The following ABCC9 variants were observed in gnomAD, a reference collection of about 807,000 sequenced individuals.
The protein encoded by ABCC9 is ATP-binding cassette sub-family C member 9.
In ABCC9, 95 loss-of-function variants were observed where a neutral mutation model predicts 188.3. The observed-to-expected ratio is 0.50, with a 90% CI of 0.43 to 0.60. ABCC9 has a LOEUF of 0.60. Among genes scored for constraint, ABCC9 ranks in the 20% least tolerant of loss-of-function variants. The pLI is 0.00. For synonymous variants in ABCC9, 659 were observed against 652.7 expected (o/e 1.01, Z -0.15); for missense variants, 1,102 against 1,876.3 (o/e 0.59, Z 7.62).
In ABCC9 at chr12:21,887,948, T is replaced by C; in HGVS notation, c.1803-14A>G. 1 of 1,583,128 alleles carries C rather than the reference T, an allele frequency of 6.3e-7. No homozygotes were observed. Among genetic ancestry groups the C allele is most frequent in the South Asian group, 1.1e-5 (1 of 90,482 alleles). ...AGCTTTTGAACACTGCAAAAAACAATAAACACAGAATAAGAGTTAACAATA... is the reference window on the plus strand; with the variant it reads ...AGCTTTTGAACACTGCAAAAAACAACAAACACAGAATAAGAGTTAACAATA... On this transcript the variant is annotated splice_polypyrimidine_tract_variant and intron_variant, in intron 14 of 39. Transcript: ENST00000261200.
chr12:21,804,966 A>G (rs1219829405), intron 39 of ABCC9, among the ~76,000 whole-genome samples: 1 of 152,228 alleles, frequency 6.6e-6, no homozygotes, highest in African/African-American at 2.4e-5. Context: ...TTTTGCATGT[A>G]TATATTTGAA....
At chr12:21,807,259 C>G in intron 38 of ABCC9, 87 bp downstream of exon 38, 1 of 1,578,178 alleles carries the variant, frequency 6.3e-7, no homozygotes, top group Admixed American at 1.7e-5. Context: ...ACTGAGGATT[C>G]AGAACCCAAT....
Position 21,933,884 on chromosome 12 carries a change from T to C in ABCC9, c.182A>G (p.Asn61Ser). Residue 61 changes from asparagine to serine, a missense_variant, in exon 4 of 40, where the codon AAC becomes AGC. Physicochemically the swap from Asn to Ser is conservative, Grantham distance 46. This residue lies in a region of ABCC9 where 305 missense variants were observed against 573.0 expected (regional missense o/e 0.53). Coordinates refer to ENST00000261200, the MANE Select transcript of ABCC9 (RefSeq NM_020297.4). Reference protein sequence around the residue: ...SQSSKVQIHHNTWLHFPGHNL... With the variant: ...SQSSKVQIHHSTWLHFPGHNL... Reference sequence around the variant, plus strand: ...ATGTCCCGGAAAATGAAGCCATGTGTTGTGGTGAATTTGTACTTTTGAGCT... The same window carrying C: ...ATGTCCCGGAAAATGAAGCCATGTGCTGTGGTGAATTTGTACTTTTGAGCT... 1.2e-6 allele frequency: 2 copies of C among 1,613,656 alleles called. No homozygotes were observed. The highest frequency in any genetic ancestry group is 1.7e-6 in the Non-Finnish European group (2 of 1,179,668).
chr12:21,905,120 A>G (rs1326664384), intron 12 of ABCC9, among the ~76,000 whole-genome samples: 1 of 151,196 alleles, frequency 6.6e-6, no homozygotes, highest in East Asian at 1.9e-4. Context: ...GAGTTCATGT[A>G]GGGACATGGA....
intron 12 of ABCC9, among the ~76,000 whole-genome samples, chr12:21,895,778 C>T (rs1262011293): frequency 6.6e-6 from 1 of 152,142 alleles, no homozygotes; most frequent in Admixed American, 6.5e-5. Flanking sequence ...TCATTTATGG[C>T]CCTTTCAGTT....
chr12:21,936,030 C>T (rs1949474239), intron 3 of ABCC9, among the ~76,000 whole-genome samples: 1 of 152,130 alleles, frequency 6.6e-6, no homozygotes, highest in Non-Finnish European at 1.5e-5. Context: ...TTGGCATCTT[C>T]CAGTTCCCCA....
intron 38 of ABCC9, among the ~76,000 whole-genome samples, chr12:21,807,142 G>T (rs112652954): frequency 6.6e-6 from 1 of 152,246 alleles, no homozygotes; most frequent in South Asian, 2.1e-4. Context: ...GTTGATTGGT[G>T]ATAGGAATGC....
At chr12:21,811,094 T>C (rs1395588692) in intron 36 of ABCC9, among the ~76,000 whole-genome samples, 1 of 152,156 alleles carries the variant, frequency 6.6e-6, no homozygotes, top group Non-Finnish European at 1.5e-5. Flanking sequence ...ATTAGATCAC[T>C]GGGGCAGTTT....
chr12:21,804,797 A>G (rs1482817790), intron 39 of ABCC9, among the ~76,000 whole-genome samples: 1 of 152,232 alleles, frequency 6.6e-6, no homozygotes, highest in African/African-American at 2.4e-5. Flanking sequence ...TCACCAGTGA[A>G]ACTCAAGTAA....
rs758198132 is a variant in ABCC9, at chr12:21,817,349, G to T, written c.3772-42C>A. The T allele has an allele frequency of 2.5e-6, 4 of 1,602,162 alleles. No homozygotes were observed. The African/African-American group carries it at 4.0e-5, about 16-fold the overall frequency. ...AAAAAATTGTTTTAAATAAATTAAAGTAAGAAGTTGTGGTTAATCACCGGA... is the reference window on the plus strand; with the variant it reads ...AAAAAATTGTTTTAAATAAATTAAATTAAGAAGTTGTGGTTAATCACCGGA... On this transcript the variant is annotated intron_variant, in intron 32 of 39. Coordinates refer to ENST00000261200, the MANE Select transcript of ABCC9 (RefSeq NM_020297.4).
At chr12:21,851,917 A>T (rs1454623284) in intron 24 of ABCC9, among the ~76,000 whole-genome samples, 180 bp downstream of exon 24, 2 of 152,214 alleles carry the variant, frequency 1.3e-5, no homozygotes, top group Non-Finnish European at 2.9e-5. Flanking sequence ...AGAATTTTAT[A>T]GGTTCAAAGT....
chr12:21,921,495 G>A (rs183069888), intron 5 of ABCC9, among the ~76,000 whole-genome samples: 1 of 151,818 alleles, frequency 6.6e-6, no homozygotes, highest in African/African-American at 2.4e-5. Flanking sequence ...CAGGCAGTTT[G>A]CAAATATTTT....
intron 24 of ABCC9, among the ~76,000 whole-genome samples, chr12:21,850,404 C>G (rs1445823870): frequency 2.0e-5 from 3 of 152,018 alleles, no homozygotes; most frequent in African/African-American, 7.2e-5. Flanking sequence ...AGTAATCTCC[C>G]TCCATCCTGA....
intron 31 of ABCC9, among the ~76,000 whole-genome samples, chr12:21,821,462 C>G (rs1257854889): frequency 1.3e-5 from 2 of 151,878 alleles, no homozygotes; most frequent in African/African-American, 4.8e-5. Context: ...AAAAAACTCA[C>G]AAAATGCTGT....
At chr12:21,900,659 G>A (rs1016783383) in intron 12 of ABCC9, among the ~76,000 whole-genome samples, 9 of 152,164 alleles carry the variant, frequency 5.9e-5, no homozygotes, top group African/African-American at 1.7e-4. Context: ...ACTACATGAC[G>A]CATGCACAAG....
rs371263458 is a variant in ABCC9, at chr12:21,832,616, T to TA, written c.3567-3557dup. Among the ~76,000 whole-genome samples, 954 of 138,646 alleles carry TA rather than the reference T, an allele frequency of 6.9e-3. 5 individuals are homozygous for TA. The highest frequency in any genetic ancestry group is 0.015 in the African/African-American group (557 of 37,864). 91.0% of individuals were successfully genotyped at this position (138,646 alleles called of 152,430 possible). A position where few individuals can be genotyped will look rare whatever the true frequency, so the allele number is the denominator to read the frequency against. ...TGCAAGAATGGCCATAGTTTAAAAATAAAAAAAAAAAATAGATATTGACGT... is the reference window on the plus strand; with the variant it reads ...TGCAAGAATGGCCATAGTTTAAAAATAAAAAAAAAAAAATAGATATTGACGT... On this transcript the variant is annotated intron_variant, in intron 30 of 39. Coordinates refer to ENST00000261200, the MANE Select transcript of ABCC9 (RefSeq NM_020297.4).
chr12:21,806,350 C>A (rs1160490077), intron 38 of ABCC9, among the ~76,000 whole-genome samples: 2 of 152,130 alleles, frequency 1.3e-5, no homozygotes, highest in Non-Finnish European at 2.9e-5. Flanking sequence ...AAAGTGCTCA[C>A]TTGAGTTATA....
intron 39 of ABCC9, among the ~76,000 whole-genome samples, chr12:21,805,630 GCAAT>G (rs1941784952): frequency 6.6e-6 from 1 of 152,116 alleles, no homozygotes; most frequent in Non-Finnish European, 1.5e-5. Flanking sequence ...AGCAGAATAA[GCAAT>G]CAAATTTAGG....
rs545923793 is a variant in ABCC9 at position 21,850,945 on chromosome 12, A to G, written c.2769+1152T>C. Among the ~76,000 whole-genome samples the G allele has an allele frequency of 4.0e-5, 6 of 151,780 alleles. No individual in the cohort carries two copies. In the South Asian group the frequency reaches 1.0e-3, roughly 26 times the overall value. On this transcript the variant is annotated intron_variant, in intron 24 of 39. Transcript: ENST00000261200. ...GTGATTTGTCCTATTCTGCTTGTAT[A>G]TTTTTGCATATATCTTTTCTTCTTT...
Sources: allele counts gnomAD v4.1 joint callset (sites outside exome capture counted in the v4.1 genomes callset), GRCh38; gene constraint gnomAD v4.1.1; regional missense constraint gnomAD v4.1.1; transcripts MANE v1.5; gene names NCBI Gene and HGNC (gene_info 2026-07-23, HGNC 2026-07-21).